BMP7: variants seen among roughly 807,000 people sequenced by gnomAD.
The protein encoded by BMP7 is bone morphogenetic protein 7.
BMP7 carries 12 observed loss-of-function variants against 41.2 expected under a neutral mutation model. The ratio of observed to expected loss-of-function variants is 0.29; its 90% CI spans 0.19 to 0.47. The LOEUF is 0.47. Among genes scored for constraint, BMP7 ranks in the 20% least tolerant of loss-of-function variants. BMP7 has a pLI of 0.99. For synonymous variants in BMP7, 248 were observed against 250.0 expected (o/e 0.99, Z 0.07); for missense variants, 467 against 606.0 (o/e 0.77, Z 2.41).
At position 57,266,307 on chromosome 20, in the gene BMP7, G is replaced by C. The variant is rs1374657651; in HGVS notation, c.-185C>G. The C allele has an allele frequency of 4.8e-6, 2 of 416,390 alleles. No individual in the cohort carries two copies. Among genetic ancestry groups the C allele is most frequent in the African/African-American group, 4.2e-5 (2 of 47,396 alleles). The allele number at this position is 416,390 out of a possible 1,614,324, so 25.8% of individuals were successfully genotyped here. On this transcript the variant is annotated 5_prime_UTR_variant, in exon 1 of 7. Transcript: ENST00000395863. Reference sequence around the variant, plus strand: ...TGCCCGGACCCCCGCCCCCTGCTCGGTGCTGGCCCCGGGCCCCTCGCCCCG... The same window carrying C: ...TGCCCGGACCCCCGCCCCCTGCTCGCTGCTGGCCCCGGGCCCCTCGCCCCG...
chr20:57,173,089 A>G, intron 6 of BMP7, 111 bp downstream of exon 6: 1 of 1,164,026 alleles, frequency 8.6e-7, no homozygotes, highest in South Asian at 1.3e-5. Context: ...AAGTCATGAC[A>G]TGGCAATGGG....
chr20:57,247,015 G>A (rs536548028), intron 1 of BMP7, among the ~76,000 whole-genome samples: 1 of 152,192 alleles, frequency 6.6e-6, no homozygotes, highest in East Asian at 1.9e-4. Context: ...AGGACAAAGG[G>A]TGCTTGGCAC....
intron 2 of BMP7, among the ~76,000 whole-genome samples, chr20:57,219,636 G>A (rs183176167): frequency 1.5e-3 from 227 of 152,252 alleles, no homozygotes; most frequent in Non-Finnish European, 2.8e-3. Context: ...CTCGGAAACC[G>A]AAACCCTGCC....
intron 1 of BMP7, among the ~76,000 whole-genome samples, chr20:57,247,114 C>T (rs2066093507): frequency 6.6e-6 from 1 of 152,192 alleles, no homozygotes; most frequent in Admixed American, 6.5e-5. Flanking sequence ...CACCTCCACA[C>T]CCCAGCCCAG....
chr20:57,186,157 G>C (rs931354197), intron 3 of BMP7, among the ~76,000 whole-genome samples: 2 of 152,222 alleles, frequency 1.3e-5, no homozygotes. Flanking sequence ...GAGCTCGCCT[G>C]GGGAAAGTGT....
In BMP7 at chr20:57,174,492, C is replaced by G. The variant is rs186199872; in HGVS notation, c.1035+439G>C. Among the ~76,000 whole-genome samples the G allele has an allele frequency of 6.6e-6, 1 of 152,286 alleles. No individual in the cohort carries two copies. Among genetic ancestry groups the G allele is most frequent in the Admixed American group, 6.5e-5 (1 of 15,308 alleles). ...CAGTAACATGACCCCACCCCTGAAA[C>G]AGTTGACTGGTTCAGGAACAAGTGC... On this transcript the variant is annotated intron_variant, in intron 5 of 6. Transcript: ENST00000395863. The surrounding 1 kb of genome is among the most constrained non-coding windows in gnomAD (Gnocchi z 4.3).
At position 57,202,247 on chromosome 20, in the gene BMP7, T is replaced by C. The variant is rs6099498; in HGVS notation, c.760+228A>G. Among the ~76,000 whole-genome samples the C allele has an allele frequency of 9.4e-3, 1,427 of 152,176 alleles. 21 individuals are homozygous for C. The highest frequency in any genetic ancestry group is 0.033 in the African/African-American group (1,364 of 41,484). On this transcript the variant is annotated intron_variant, in intron 3 of 6. Transcript: ENST00000395863. ...ACCCCTGCTGATATGGGACCACCCT[T>C]TGTGTAATGAAGCCTTACCCAATTC...
intron 1 of BMP7, among the ~76,000 whole-genome samples, chr20:57,238,621 T>G (rs1245502713): frequency 5.9e-5 from 9 of 152,146 alleles, no homozygotes; most frequent in Admixed American, 5.9e-4. Context: ...ATTGTGATTT[T>G]CTGTTCTGTT....
In BMP7 at chr20:57,224,126, C is replaced by A. The variant is rs1985252886; in HGVS notation, c.611+4103G>T. ...GCCTGGGCTGAAGGGACCCAGGAAA[C>A]TGAGCCCAGGCCTCCTCTGCCAATC... is the stretch of plus-strand genomic sequence containing the variant. On this transcript the variant is annotated intron_variant, in intron 2 of 6. Coordinates refer to ENST00000395863, the MANE Select transcript of BMP7 (RefSeq NM_001719.3). The surrounding 1 kb of genome is among the most constrained non-coding windows in gnomAD (Gnocchi z 4.8). Among the ~76,000 whole-genome samples, 3 of 152,208 alleles carry A rather than the reference C, an allele frequency of 2.0e-5. No individual in the cohort carries two copies. Among genetic ancestry groups the A allele is most frequent in the Admixed American group, 2.0e-4 (3 of 15,290 alleles).
intron 2 of BMP7, among the ~76,000 whole-genome samples, chr20:57,209,773 G>A (rs1260664653): frequency 2.0e-5 from 3 of 152,194 alleles, no homozygotes; most frequent in African/African-American, 7.2e-5. Context: ...CAGAGTGGTA[G>A]CAACAATTCA....
At chr20:57,190,540 T>C (rs910894727) in intron 3 of BMP7, among the ~76,000 whole-genome samples, 1 of 149,644 alleles carries the variant, frequency 6.7e-6, no homozygotes, top group Non-Finnish European at 1.5e-5. Flanking sequence ...CTGGGTCACC[T>C]GGGGTCTCCC....
intron 4 of BMP7, among the ~76,000 whole-genome samples, chr20:57,180,898 G>A (rs1984064909): frequency 6.6e-6 from 1 of 152,084 alleles, no homozygotes. Flanking sequence ...AAAGTAAAAT[G>A]AACATAAATT....
chr20:57,173,818 C>T (rs1308669369), intron 5 of BMP7, among the ~76,000 whole-genome samples: 2 of 152,144 alleles, frequency 1.3e-5, no homozygotes, highest in East Asian at 1.9e-4. Flanking sequence ...TTAAACAAAC[C>T]TCCATGCCTC....
intron 2 of BMP7, among the ~76,000 whole-genome samples, chr20:57,218,712 T>C (rs1392359801): frequency 1.7e-4 from 26 of 151,294 alleles, no homozygotes; most frequent in African/African-American, 5.6e-4. Flanking sequence ...TGGGTTTGTT[T>C]GGTGGTAGCT....
intron 3 of BMP7, among the ~76,000 whole-genome samples, chr20:57,195,310 C>T (rs914919273): frequency 1.3e-5 from 2 of 152,200 alleles, no homozygotes; most frequent in African/African-American, 2.4e-5. Flanking sequence ...CCAAGACCCA[C>T]AGCACAAGAA....
rs1363292088 is a variant in BMP7, at chr20:57,168,872, TAATA to T, written c.*2083_*2086del. On this transcript the variant is annotated 3_prime_UTR_variant, in exon 7 of 7. Coordinates refer to ENST00000395863, the MANE Select transcript of BMP7 (RefSeq NM_001719.3). Reference sequence around the variant, plus strand: ...GCTGTGAGTACATTGGTCCAACCATTAATAAATAGTCTTAAATAAGAAAACAAAC... The same window carrying T: ...GCTGTGAGTACATTGGTCCAACCATTAATAGTCTTAAATAAGAAAACAAAC... 1 of 150,806 alleles carries T rather than the reference TAATA, an allele frequency of 6.6e-6. No homozygotes were observed. Among genetic ancestry groups the T allele is most frequent in the Non-Finnish European group, 1.5e-5 (1 of 67,912 alleles). The allele number at this position is 150,806 out of a possible 1,614,324, so 9.3% of individuals were successfully genotyped here.
At chr20:57,196,387 A>G (rs230189) in intron 3 of BMP7, among the ~76,000 whole-genome samples, 2,231 of 152,094 alleles carry the variant, frequency 0.015, 62 homozygotes, top group African/African-American at 0.051. Flanking sequence ...TCCTGGTCGG[A>G]CTCCTCCTAG....
At chr20:57,246,172 A>G (rs1419574428) in intron 1 of BMP7, among the ~76,000 whole-genome samples, 1 of 152,188 alleles carries the variant, frequency 6.6e-6, no homozygotes, top group Non-Finnish European at 1.5e-5. Flanking sequence ...GTTACACCTC[A>G]ATAAGCAGTT....
intron 2 of BMP7, among the ~76,000 whole-genome samples, chr20:57,209,859 A>G (rs1984839151): frequency 6.6e-6 from 1 of 152,170 alleles, no homozygotes; most frequent in Non-Finnish European, 1.5e-5. Context: ...AGCATGCCCT[A>G]TTTCTGGAAA....
Sources: allele counts gnomAD v4.1 joint callset (sites outside exome capture counted in the v4.1 genomes callset), GRCh38; gene constraint gnomAD v4.1.1; non-coding constraint Gnocchi (gnomAD v3.1); transcripts MANE v1.5; gene names NCBI Gene and HGNC (gene_info 2026-07-23, HGNC 2026-07-21).